The following PTPRN2 variants were observed in gnomAD, a reference collection of about 807,000 sequenced individuals.
PTPRN2 encodes protein tyrosine phosphatase receptor type N2.
PTPRN2 carries 74 observed loss-of-function variants against 118.8 expected under a neutral mutation model. The ratio of observed to expected loss-of-function variants is 0.62; its 90% confidence interval spans 0.52 to 0.76. The LOEUF is 0.76. PTPRN2 is among the 30% of genes least tolerant of loss of function. The pLI, the probability that PTPRN2 is intolerant of heterozygous loss-of-function variation, is 0.00. For synonymous variants in PTPRN2, 641 were observed against 608.0 expected (o/e 1.05, Z -0.80); for missense variants, 1,481 against 1,394.4 (o/e 1.06, Z -0.99).
intron 10 of PTPRN2, among the ~76,000 whole-genome samples, chr7:158,084,939 G>GCCCATCCAGATA (rs1813169843): frequency 8.7e-6 from 1 of 115,372 alleles, no homozygotes; most frequent in African/African-American, 3.4e-5. Context: ...CACCCTCGAC[G>GCCCATCCAGATA]CCCATCCACA....
Position 158,441,407 on chromosome 7 carries a change from T to C in PTPRN2, c.163+48328A>G, listed in dbSNP as rs374424437. On this transcript the variant is annotated intron_variant, in intron 2 of 22. Coordinates refer to ENST00000389418, the MANE Select transcript of PTPRN2 (RefSeq NM_002847.5). ...GTGGTGGTGATAATGATGGTCATGG[T>C]AGTGGTGGTGATGGTGATAGTGATG... is the stretch of plus-strand genomic sequence containing the variant. Among the ~76,000 whole-genome samples, 854 of 137,612 alleles carry C rather than the reference T, an allele frequency of 6.2e-3. 7 individuals are homozygous for C. The highest frequency in any genetic ancestry group is 7.2e-3 in the Non-Finnish European group (465 of 64,954). The allele number at this position is 137,612 out of a possible 152,430, so 90.3% of individuals were successfully genotyped here. A position where few individuals can be genotyped will look rare whatever the true frequency, so the allele number is the denominator to read the frequency against.
chr7:158,437,602 G>A (rs147315547), intron 2 of PTPRN2, among the ~76,000 whole-genome samples: 184 of 152,290 alleles, frequency 1.2e-3, no homozygotes, highest in African/African-American at 4.2e-3. Flanking sequence ...TTCTTGGAAG[G>A]CTCAGTCACC....
At chr7:157,792,708 CG>C (rs1306387753) in intron 12 of PTPRN2, among the ~76,000 whole-genome samples, 1 of 152,292 alleles carries the variant, frequency 6.6e-6, no homozygotes, top group Non-Finnish European at 1.5e-5. Context: ...AGGCTGGGGC[CG>C]GGGGTCTCTG....
At chr7:158,230,638 A>G (rs529130004) in intron 3 of PTPRN2, among the ~76,000 whole-genome samples, 1 of 152,216 alleles carries the variant, frequency 6.6e-6, no homozygotes, top group African/African-American at 2.4e-5. Context: ...TATAAGTCTC[A>G]TGGCAACTAC....
intron 12 of PTPRN2, among the ~76,000 whole-genome samples, chr7:157,718,815 T>A (rs901328205): frequency 4.8e-5 from 7 of 145,756 alleles, no homozygotes; most frequent in Non-Finnish European, 9.0e-5. Context: ...ACTCTTGGTT[T>A]CTCAGCTGCC....
intron 2 of PTPRN2, among the ~76,000 whole-genome samples, chr7:158,377,365 G>A (rs1250615677): frequency 3.9e-5 from 6 of 152,370 alleles, no homozygotes; most frequent in Admixed American, 3.9e-4. Context: ...AAATCTCCAT[G>A]TGTTATGGAA....
intron 12 of PTPRN2, among the ~76,000 whole-genome samples, chr7:157,829,298 G>T (rs182909024): frequency 9.2e-5 from 14 of 152,166 alleles, no homozygotes; most frequent in African/African-American, 3.4e-4. Context: ...ATCTGAACAC[G>T]GTGGCGCAAA....
At chr7:158,240,577 T>C (rs1159034897) in intron 3 of PTPRN2, among the ~76,000 whole-genome samples, 2 of 152,142 alleles carry the variant, frequency 1.3e-5, no homozygotes, top group Non-Finnish European at 2.9e-5. Context: ...TATAGGTGTG[T>C]GCCACCACAC....
At chr7:157,761,269 C>A (rs1206697427) in intron 12 of PTPRN2, among the ~76,000 whole-genome samples, 3 of 152,014 alleles carry the variant, frequency 2.0e-5, no homozygotes, top group Non-Finnish European at 2.9e-5. Context: ...CATATGGAAT[C>A]AAAAAAGAGC....
chr7:157,871,437 A>C (rs1302343338), intron 12 of PTPRN2, among the ~76,000 whole-genome samples: 1 of 152,058 alleles, frequency 6.6e-6, no homozygotes, highest in African/African-American at 2.4e-5. Context: ...AACTTGTAAG[A>C]TGTGAGAGTC....
rs144672336 is a variant in PTPRN2, at chr7:158,041,342, A to G, written c.1723+39956T>C. Among the ~76,000 whole-genome samples the G allele has an allele frequency of 6.0e-4, 92 of 152,342 alleles. 2 individuals are homozygous for G. In the East Asian group the frequency reaches 0.017, roughly 28 times the overall value. On this transcript the variant is annotated intron_variant, in intron 11 of 22. Coordinates refer to ENST00000389418, the MANE Select transcript of PTPRN2 (RefSeq NM_002847.5). ...AAGTAGTTCTTAACAACATTGCAAT[A>G]AAGAAACAATTGAGGCTGGGCACGG...
chr7:158,420,101 G>A (rs1361702933), intron 2 of PTPRN2, among the ~76,000 whole-genome samples: 2 of 152,168 alleles, frequency 1.3e-5, no homozygotes, highest in Non-Finnish European at 2.9e-5. Flanking sequence ...TTTGTGTCCA[G>A]CACAACAGTG....
chr7:158,072,551 C>T (rs1478153522), intron 11 of PTPRN2, among the ~76,000 whole-genome samples: 1 of 152,140 alleles, frequency 6.6e-6, no homozygotes, highest in East Asian at 1.9e-4. Flanking sequence ...TCATGCTGGT[C>T]CCAAGTGCTC....
At chr7:158,280,872 C>T (rs906381040) in intron 3 of PTPRN2, among the ~76,000 whole-genome samples, 1 of 152,190 alleles carries the variant, frequency 6.6e-6, no homozygotes, top group Admixed American at 6.5e-5. Context: ...GCAGCTGTGC[C>T]CAGAACCAGC....
chr7:158,315,478 T>C lies in PTPRN2; in HGVS notation c.277+1341A>G, dbSNP rs113641696. Among the ~76,000 whole-genome samples the C allele has an allele frequency of 6.3e-3, 546 of 87,086 alleles. 12 individuals carry two copies. Among genetic ancestry groups the C allele is most frequent in the African/African-American group, 0.023 (485 of 20,892 alleles). The allele number at this position is 87,086 out of a possible 152,430, so 57.1% of individuals were successfully genotyped here. ...GGTGAACCCAGGACTCCCTGAAGGA[T>C]AGAGGTGAACCCGGGACGCCCTCAA... On this transcript the variant is annotated intron_variant, in intron 3 of 22. Coordinates refer to ENST00000389418, the MANE Select transcript of PTPRN2 (RefSeq NM_002847.5).
chr7:158,568,358 C>A (rs1275038132), intron 1 of PTPRN2, among the ~76,000 whole-genome samples: 2 of 152,042 alleles, frequency 1.3e-5, no homozygotes, highest in Non-Finnish European at 2.9e-5. Context: ...ATGAACCGCC[C>A]AAGCTCACAC....
chr7:158,232,222 A>G (rs1829202159), intron 3 of PTPRN2, among the ~76,000 whole-genome samples: 4 of 152,170 alleles, frequency 2.6e-5, no homozygotes, highest in Non-Finnish European at 5.9e-5. Flanking sequence ...TAGACTAAGA[A>G]AAAAGGAAAG....
At chr7:157,736,025 C>A (rs1250637803) in intron 12 of PTPRN2, among the ~76,000 whole-genome samples, 2 of 152,206 alleles carry the variant, frequency 1.3e-5, no homozygotes, top group African/African-American at 4.8e-5. Context: ...TCCCAAACAC[C>A]CACCTTGGAT....
At chr7:158,302,723 C>T (rs188159842) in intron 3 of PTPRN2, among the ~76,000 whole-genome samples, 5 of 152,380 alleles carry the variant, frequency 3.3e-5, no homozygotes, top group African/African-American at 4.8e-5. Context: ...ACCCTGTTGT[C>T]TCTCCACAAT....
Sources: allele counts gnomAD v4.1 joint callset (sites outside exome capture counted in the v4.1 genomes callset), GRCh38; gene constraint gnomAD v4.1.1; transcripts MANE v1.5; gene names NCBI Gene and HGNC (gene_info 2026-07-23, HGNC 2026-07-21).